Variants in FAM177A1 observed in about 807,000 individuals in gnomAD.
FAM177A1 encodes protein FAM177A1.
Under a neutral mutation model 26.1 loss-of-function variants are expected in FAM177A1, and 22 were observed. That is an observed-to-expected ratio of 0.84 (90% CI 0.60 to 1.20). The LOEUF is 1.20. Ranked by LOEUF, FAM177A1 falls within the 50% of genes most tolerant of loss-of-function variation. The pLI is 0.00. For synonymous variants in FAM177A1, 95 were observed against 99.3 expected, an observed-to-expected ratio of 0.96 and a Z score of 0.26; for missense variants, 296 against 291.1, an observed-to-expected ratio of 1.02 and a Z score of -0.12.
chr14:35,074,485 C>T (rs2138565615), intron 2 of FAM177A1, among the ~76,000 whole-genome samples: 1 of 152,068 alleles, frequency 6.6e-6, no homozygotes, highest in Non-Finnish European at 1.5e-5. Flanking sequence ...GCCACCATGC[C>T]TGGCTAATTT....
rs544334941 is a variant in FAM177A1, at chr14:35,047,882, A to G, written c.165+1254A>G. Among the ~76,000 whole-genome samples, 20 of 152,282 alleles carry G rather than the reference A, an allele frequency of 1.3e-4. No individual in the cohort carries two copies. The South Asian group carries it at 3.5e-3, about 27-fold the overall frequency. On this transcript the variant is annotated intron_variant, in intron 1 of 4. Transcript: ENST00000280987. The stretch of plus-strand genomic sequence containing the variant: ...TTCATTTTTGAGACTAAGTACCTGA[A>G]TGTTAGTAAGACATTTCCCCCAAAC...
intron 2 of FAM177A1, among the ~76,000 whole-genome samples, chr14:35,064,964 G>A (rs1489133194): frequency 5.3e-5 from 8 of 151,954 alleles, no homozygotes; most frequent in South Asian, 2.1e-4. Context: ...CCACCGAGCC[G>A]GGCCTATTTC....
intron 1 of FAM177A1, among the ~76,000 whole-genome samples, chr14:35,052,732 C>G (rs910208323): frequency 6.6e-6 from 1 of 151,940 alleles, no homozygotes; most frequent in Non-Finnish European, 1.5e-5. Flanking sequence ...GGAGACCAAC[C>G]TGGGCAACAT....
At chr14:35,079,535 A>G (rs2045447427) in intron 4 of FAM177A1, among the ~76,000 whole-genome samples, 1 of 152,198 alleles carries the variant, frequency 6.6e-6, no homozygotes, top group Admixed American at 6.5e-5. Flanking sequence ...TTAGTGCTTA[A>G]GAGCATGGGC....
At chr14:35,049,657 C>T (rs188618149) in intron 1 of FAM177A1, among the ~76,000 whole-genome samples, 50 of 152,194 alleles carry the variant, frequency 3.3e-4, no homozygotes, top group Non-Finnish European at 6.0e-4. Flanking sequence ...TTATGGCTCA[C>T]GCCTGTAGTC....
At chr14:35,046,659 G>A in intron 1 of FAM177A1, 31 bp downstream of exon 1, 4 of 1,512,298 alleles carry the variant, frequency 2.6e-6, no homozygotes, top group Non-Finnish European at 3.6e-6. Context: ...TGACGTCCGG[G>A]GAGCCGAGCC....
chr14:35,080,908 G>A, intron 4 of FAM177A1, 114 bp from the exon 5 acceptor site: 1 of 1,205,444 alleles, frequency 8.3e-7, no homozygotes, highest in Non-Finnish European at 1.1e-6. Flanking sequence ...ATTTGAACAT[G>A]ACACTTTTTT....
chr14:35,076,238 T>C (rs1471522911), intron 2 of FAM177A1, among the ~76,000 whole-genome samples: 1 of 152,124 alleles, frequency 6.6e-6, no homozygotes, highest in Non-Finnish European at 1.5e-5. Flanking sequence ...GTGGCACATA[T>C]ACACCATGGA....
At chr14:35,065,696 ATTTTTT>A (rs35125485) in intron 2 of FAM177A1, among the ~76,000 whole-genome samples, 1 of 139,132 alleles carries the variant, frequency 7.2e-6, no homozygotes, top group Non-Finnish European at 1.5e-5. Flanking sequence ...ATAAGAAGCA[ATTTTTT>A]TTTTTTTTTT....
intron 2 of FAM177A1, among the ~76,000 whole-genome samples, chr14:35,067,983 A>C (rs1210178345): frequency 5.3e-5 from 8 of 152,040 alleles, no homozygotes; most frequent in East Asian, 1.9e-4. Flanking sequence ...TTGTCACTTC[A>C]CTGTGTTGAT....
At position 35,077,468 on chromosome 14, in the gene FAM177A1, CTTTTTTT is replaced by C. The variant is rs150813883; in HGVS notation, c.406+271_406+277del. ...TTAGTTTAGATATGGTTTTCAAGTT[CTTTTTTT>C]TTTTTTTTTTTTTTTTTTGAGACGG... On this transcript the variant is annotated intron_variant, in intron 3 of 4. Transcript: ENST00000280987. Among the ~76,000 whole-genome samples, 31 of 79,518 alleles carry C rather than the reference CTTTTTTT, an allele frequency of 3.9e-4. No homozygotes were observed. In the East Asian group the frequency reaches 7.0e-3, roughly 18 times the overall value. 52.2% of individuals were successfully genotyped at this position (79,518 alleles called of 152,430 possible).
chr14:35,071,360 G>A (rs1302648942), intron 2 of FAM177A1, among the ~76,000 whole-genome samples: 2 of 152,210 alleles, frequency 1.3e-5, no homozygotes, highest in East Asian at 1.9e-4. Context: ...AAAATAAATT[G>A]TTTTAATAAG....
chr14:35,076,792 TG>T (rs1406940265), intron 2 of FAM177A1, among the ~76,000 whole-genome samples: 1 of 152,106 alleles, frequency 6.6e-6, no homozygotes, highest in Non-Finnish European at 1.5e-5. Flanking sequence ...ACACCCCCTC[TG>T]GTGTTGTGTT....
chr14:35,046,276 T>A lies in FAM177A1; in HGVS notation c.-188T>A, dbSNP rs550004992. On this transcript the variant is annotated 5_prime_UTR_variant, in exon 1 of 5. Coordinates refer to ENST00000280987, the MANE Select transcript of FAM177A1 (RefSeq NM_173607.5). The stretch of plus-strand genomic sequence containing the variant: ...GAGCCGGTAGTTGCGCCTCCCAGAC[T>A]GCAGTTGGCCAGCTCTCGGGGTGCG... 1,500 of 572,848 alleles carry A rather than the reference T, an allele frequency of 2.6e-3. 17 individuals carry two copies. The highest frequency in any genetic ancestry group is 0.019 in the African/African-American group (958 of 50,444). 35.5% of individuals were successfully genotyped at this position (572,848 alleles called of 1,614,324 possible). A position where few individuals can be genotyped will look rare whatever the true frequency, so the allele number is the denominator to read the frequency against.
intron 2 of FAM177A1, among the ~76,000 whole-genome samples, chr14:35,071,219 G>T (rs927033092): frequency 4.0e-5 from 6 of 151,736 alleles, no homozygotes; most frequent in African/African-American, 1.2e-4. Context: ...GGATGGTCTC[G>T]ATCTCTTGAC....
chr14:35,072,855 C>G (rs572822875), intron 2 of FAM177A1, among the ~76,000 whole-genome samples: 43 of 152,282 alleles, frequency 2.8e-4, no homozygotes, highest in Non-Finnish European at 5.0e-4. Context: ...CTCCACCCCC[C>G]CTTTCCTTTC....
At chr14:35,078,104 G>C (rs2045425203) in intron 3 of FAM177A1, among the ~76,000 whole-genome samples, 1 of 152,120 alleles carries the variant, frequency 6.6e-6, no homozygotes, top group South Asian at 2.1e-4. Flanking sequence ...ATTGTGAATA[G>C]TAATTGATTC....
At chr14:35,077,261 T>G in intron 3 of FAM177A1, 45 bp downstream of exon 3, 1 of 1,553,630 alleles carries the variant, frequency 6.4e-7, no homozygotes, top group Non-Finnish European at 8.9e-7. Context: ...TGTAACATGC[T>G]TCAGCAACAG....
intron 2 of FAM177A1, among the ~76,000 whole-genome samples, chr14:35,058,465 T>A (rs889006466): frequency 6.6e-6 from 1 of 152,220 alleles, no homozygotes; most frequent in Non-Finnish European, 1.5e-5. Context: ...TGTACTTTGG[T>A]GCTCTGTTAT....
Sources: allele counts gnomAD v4.1 joint callset (sites outside exome capture counted in the v4.1 genomes callset), GRCh38; gene constraint gnomAD v4.1.1; transcripts MANE v1.5; gene names NCBI Gene and HGNC (gene_info 2026-07-23, HGNC 2026-07-21).